The following IQCE variants were observed in gnomAD, a reference collection of about 807,000 sequenced individuals.
IQCE encodes IQ domain-containing protein E.
In IQCE, 115 loss-of-function variants were observed where a neutral mutation model predicts 96.0. The ratio of observed to expected loss-of-function variants is 1.20; its 90% CI spans 1.03 to 1.40. The LOEUF (loss-of-function observed/expected upper bound fraction) is 1.40. IQCE is among the 40% of genes most tolerant of loss of function. IQCE has a pLI of 0.00. For missense variants in IQCE, 1,041 were observed against 909.1 expected, an observed-to-expected ratio of 1.15 and a Z score of -1.87; for synonymous variants, 412 against 371.2, an observed-to-expected ratio of 1.11 and a Z score of -1.26.
rs893254507 is a variant in IQCE at position 2,611,602 on chromosome 7, T to G, written c.*1440T>G. 1 of 152,150 alleles carries G rather than the reference T, an allele frequency of 6.6e-6. No individual in the cohort carries two copies. Among genetic ancestry groups the G allele is most frequent in the Non-Finnish European group, 1.5e-5 (1 of 68,070 alleles). The allele number at this position is 152,150 out of a possible 1,614,324, so 9.4% of individuals were successfully genotyped here. On this transcript the variant is annotated 3_prime_UTR_variant, in exon 22 of 22. Transcript: ENST00000402050. ...GGCTTGTGAAAGGGAGAGAGGAGGC[T>G]CTGCATGTCCACCTGCTCTATGGGA...
intron 21 of IQCE, chr7:2,607,579 C>A: frequency 8.2e-7 from 1 of 1,223,348 alleles, no homozygotes; most frequent in Non-Finnish European, 1.0e-6. Flanking sequence ...TGTTAAAGTC[C>A]AAAAACAGTC....
chr7:2,598,343 A>G (rs1784200306), intron 16 of IQCE, 122 bp from the exon 17 acceptor site: 20 of 957,752 alleles, frequency 2.1e-5, no homozygotes, highest in Non-Finnish European at 2.9e-5. Context: ...TCTCCTCCAC[A>G]TTAGTGAGAC....
At chr7:2,595,472 A>G (rs1441145778) in intron 16 of IQCE, among the ~76,000 whole-genome samples, 1 of 152,070 alleles carries the variant, frequency 6.6e-6, no homozygotes, top group Admixed American at 6.5e-5. Flanking sequence ...TTGAACGTGG[A>G]GTGACTGTTA....
At position 2,613,552 on chromosome 7, in the gene IQCE, C is replaced by G. The variant is rs1223437435; in HGVS notation, c.*3390C>G. The stretch of plus-strand genomic sequence containing the variant: ...ACTGCCGACGATTACCAAACTGAAT[C>G]CAGGCAGTGCCATGACCCTGGGTGT... On this transcript the variant is annotated 3_prime_UTR_variant, in exon 22 of 22. Coordinates refer to ENST00000402050, the MANE Select transcript of IQCE (RefSeq NM_152558.5). 6.6e-6 allele frequency: 1 copy of G among 152,300 alleles called. No homozygotes were observed. Among genetic ancestry groups the G allele is most frequent in the African/African-American group, 2.4e-5 (1 of 41,482 alleles). 9.4% of individuals were successfully genotyped at this position (152,300 alleles called of 1,614,324 possible). A position where few individuals can be genotyped will look rare whatever the true frequency, so the allele number is the denominator to read the frequency against.
chr7:2,577,560 C>T (rs1425919308), intron 6 of IQCE, among the ~76,000 whole-genome samples: 3 of 106,074 alleles, frequency 2.8e-5, no homozygotes, highest in African/African-American at 3.8e-5. Context: ...TGGCTGTGCG[C>T]GCGGGGACGT....
intron 1 of IQCE, among the ~76,000 whole-genome samples, chr7:2,562,607 C>T (rs1207933626): frequency 2.1e-4 from 30 of 141,000 alleles, no homozygotes; most frequent in South Asian, 4.5e-4. Flanking sequence ...TTTTTTTTTT[C>T]CCCCTGTATT....
chr7:2,575,717 GAA>G (rs1376585801), intron 6 of IQCE, among the ~76,000 whole-genome samples: 13 of 152,218 alleles, frequency 8.5e-5, no homozygotes, highest in African/African-American at 2.9e-4. Flanking sequence ...TGGCTGGAGA[GAA>G]GAGGCTTTGC....
At position 2,614,287 on chromosome 7, in the gene IQCE, G is replaced by A. The variant is rs897393433; in HGVS notation, c.*4125G>A. The A allele has an allele frequency of 7.9e-5, 12 of 152,312 alleles. No homozygotes were observed. The highest frequency in any genetic ancestry group is 7.7e-4 in the East Asian group (4 of 5,184). The allele number at this position is 152,312 out of a possible 1,614,324, so 9.4% of individuals were successfully genotyped here. ...AGATTCTATTATAACCCGTCTAAAC[G>A]ATTGCAAAATTCCTCCTTTGGTTTT... is the stretch of plus-strand genomic sequence containing the variant. On this transcript the variant is annotated 3_prime_UTR_variant, in exon 22 of 22. Coordinates refer to ENST00000402050, the MANE Select transcript of IQCE (RefSeq NM_152558.5).
chr7:2,582,457 G>A, intron 8 of IQCE, 123 bp from the exon 9 acceptor site: 2 of 798,302 alleles, frequency 2.5e-6, no homozygotes, highest in East Asian at 2.7e-5. Context: ...TAGTCTAGAA[G>A]AGAGCACAGC....
At chr7:2,603,962 T>C (rs4721868) in intron 18 of IQCE, among the ~76,000 whole-genome samples, 75,347 of 149,236 alleles carry the variant, frequency 0.5, 19,582 homozygotes, top group African/African-American at 0.63. Context: ...GAAAATGGAG[T>C]GTGAACTTCT....
At chr7:2,603,471 G>T (rs1159489631) in intron 18 of IQCE, among the ~76,000 whole-genome samples, 4 of 141,002 alleles carry the variant, frequency 2.8e-5, no homozygotes. Flanking sequence ...TCCCCATCCT[G>T]CTTCTCTCCC....
chr7:2,561,273 ATTTC>A (rs1236754256), intron 1 of IQCE, among the ~76,000 whole-genome samples: 2 of 151,418 alleles, frequency 1.3e-5, no homozygotes, highest in South Asian at 2.1e-4. Context: ...TAGATCTTTG[ATTTC>A]TTTCAGCAAT....
At chr7:2,560,248 C>CA (rs904233720) in intron 1 of IQCE, among the ~76,000 whole-genome samples, 91 of 150,988 alleles carry the variant, frequency 6.0e-4, no homozygotes, top group Middle Eastern at 3.4e-3. Context: ...GGCCCTGTCT[C>CA]AAAAAAAAAG....
chr7:2,592,112 G>C (rs1311475343), intron 14 of IQCE, among the ~76,000 whole-genome samples: 1 of 152,210 alleles, frequency 6.6e-6, no homozygotes, highest in Non-Finnish European at 1.5e-5. Context: ...GTGTACTTTA[G>C]GGACTGAGAA....
chr7:2,607,551 T>C lies in IQCE; in HGVS notation c.1969+324T>C, dbSNP rs73277369. 2,242 of 1,263,888 alleles carry C rather than the reference T, an allele frequency of 1.8e-3. 29 individuals are homozygous for C. The African/African-American group carries it at 0.03, about 17-fold the overall frequency. 78.3% of individuals were successfully genotyped at this position (1,263,888 alleles called of 1,614,324 possible). On this transcript the variant is annotated intron_variant, in intron 21 of 21. Transcript: ENST00000402050. ...TTGTTTGTTGAGTAAAACCGTGTTA[T>C]TGTTTCCTTTTCTACTTTGTTAAAG...
chr7:2,584,288 A>C lies in IQCE; in HGVS notation c.824+3A>C. ...AGTTCTGAAACCACCGGAAAGAAGT[A>C]TGATGGCCGCTTGCAAGCTGTGTTT... On this transcript the variant is annotated splice_donor_region_variant and intron_variant, in intron 11 of 21. Transcript: ENST00000402050. The C allele has an allele frequency of 6.2e-7, 1 of 1,613,844 alleles. No homozygotes were observed. Among genetic ancestry groups the C allele is most frequent in the South Asian group, 1.1e-5 (1 of 91,082 alleles).
chr7:2,584,482 C>A (rs1399902561), intron 11 of IQCE, 197 bp downstream of exon 11: 2 of 620,610 alleles, frequency 3.2e-6, no homozygotes, highest in Non-Finnish European at 5.9e-6. Context: ...CTCATAGTGA[C>A]CACGTGTTGA....
intron 12 of IQCE, 54 bp downstream of exon 12, chr7:2,586,425 CAG>C (rs1783120898): frequency 1.9e-6 from 3 of 1,548,492 alleles, no homozygotes; most frequent in Non-Finnish European, 2.6e-6. Context: ...CAGGGAATGG[CAG>C]GGCATGGCCA....
At position 2,583,652 on chromosome 7, in the gene IQCE, T is replaced by C; in HGVS notation, c.717T>C (p.Asp239=). 6.3e-7 allele frequency: 1 copy of C among 1,592,396 alleles called. No individual in the cohort carries two copies. Among genetic ancestry groups the C allele is most frequent in the African/African-American group, 1.4e-5 (1 of 73,794 alleles). ...KDGTISKLQT[D]MKTTNLEEMR... is the part of the protein sequence containing the mutation. ...GGGTTTTCAGCAAACTCCAGACCGA[T>C]ATGAAGACTACCAACCTGGAAGAGA... The change falls in exon 10 of 22, where the codon GAT becomes GAC. Residue 239 remains aspartate (D), a synonymous_variant. Transcript: ENST00000402050.
Sources: gnomAD v4.1 joint callset for allele counts (sites outside exome capture counted in the v4.1 genomes callset) on GRCh38, gnomAD v4.1.1 for gene constraint, MANE v1.5 for transcripts, NCBI Gene and HGNC (gene_info 2026-07-23, HGNC 2026-07-21) for gene names.